The following NKAIN3 variants were observed in gnomAD, a reference collection of about 807,000 sequenced individuals.
The protein encoded by NKAIN3 is sodium/potassium transporting ATPase interacting 3.
Under a neutral mutation model 30.2 loss-of-function variants are expected in NKAIN3, and 25 were observed. The observed-to-expected ratio is 0.83, with a 90% CI of 0.60 to 1.16. NKAIN3 has a LOEUF of 1.16. Ranked by LOEUF, NKAIN3 falls within the 50% of genes most tolerant of loss-of-function variation. NKAIN3 has a pLI of 0.00. For synonymous variants in NKAIN3, 91 were observed against 89.6 expected, an observed-to-expected ratio of 1.02 and a Z score of -0.09; for missense variants, 225 against 254.1, an observed-to-expected ratio of 0.89 and a Z score of 0.78.
At chr8:62,695,936 G>A (rs1814140479) in intron 3 of NKAIN3, among the ~76,000 whole-genome samples, 1 of 152,038 alleles carries the variant, frequency 6.6e-6, no homozygotes, top group South Asian at 2.1e-4. Context: ...AAAATGAATG[G>A]TCCCAAATGA....
chr8:62,316,292 TA>T (rs1252898852), intron 1 of NKAIN3, among the ~76,000 whole-genome samples: 2 of 152,134 alleles, frequency 1.3e-5, no homozygotes, highest in Admixed American at 6.6e-5. Context: ...GATTTTTTTT[TA>T]TTATACTTTA....
In NKAIN3 at chr8:62,932,370, T is replaced by C. The variant is rs149150054; in HGVS notation, c.532+13857T>C. Among the ~76,000 whole-genome samples the C allele has an allele frequency of 5.1e-3, 781 of 152,334 alleles. 6 individuals carry two copies. The highest frequency in any genetic ancestry group is 0.018 in the African/African-American group (750 of 41,580). Reference sequence around the variant, plus strand: ...TAATTACAGAAGAGTGAAATGCAGATACTGGTTTGTGTAAAGTGAGTCAGA... The same window carrying C: ...TAATTACAGAAGAGTGAAATGCAGACACTGGTTTGTGTAAAGTGAGTCAGA... On this transcript the variant is annotated intron_variant, in intron 5 of 6. Coordinates refer to ENST00000623646, the MANE Select transcript of NKAIN3 (RefSeq NM_001304533.3).
chr8:62,916,904 C>T (rs569122334), intron 4 of NKAIN3, among the ~76,000 whole-genome samples: 1 of 152,200 alleles, frequency 6.6e-6, no homozygotes, highest in Non-Finnish European at 1.5e-5. Flanking sequence ...CATGCTTCTT[C>T]TTGTGGGGTG....
intron 1 of NKAIN3, among the ~76,000 whole-genome samples, chr8:62,465,109 G>C (rs1806120925): frequency 6.6e-6 from 1 of 152,232 alleles, no homozygotes. Context: ...AAATATTCAA[G>C]CTCAAACAGT....
chr8:62,686,965 G>A (rs1813818089), intron 3 of NKAIN3, among the ~76,000 whole-genome samples: 1 of 152,112 alleles, frequency 6.6e-6, no homozygotes, highest in South Asian at 2.1e-4. Context: ...GGTAACAAAT[G>A]CAATTTAATC....
intron 3 of NKAIN3, among the ~76,000 whole-genome samples, chr8:62,660,155 TGAGCACTG>T (rs1335090744): frequency 9.2e-5 from 14 of 152,158 alleles, no homozygotes. Context: ...CTTCCTGGAT[TGAGCACTG>T]GAGCAACAAT....
intron 1 of NKAIN3, among the ~76,000 whole-genome samples, chr8:62,449,522 T>TA (rs1432708494): frequency 6.6e-6 from 1 of 152,088 alleles, no homozygotes. Flanking sequence ...GTTTCTTCCT[T>TA]ATGTTTCATT....
chr8:62,534,864 T>TTTG (rs1808604648), intron 1 of NKAIN3, among the ~76,000 whole-genome samples: 1 of 151,500 alleles, frequency 6.6e-6, no homozygotes, highest in Non-Finnish European at 1.5e-5. Flanking sequence ...TTTATTGGTT[T>TTTG]TTTTTTTTTT....
chr8:62,841,829 T>A (rs1048368872), intron 4 of NKAIN3, among the ~76,000 whole-genome samples: 39 of 152,164 alleles, frequency 2.6e-4, no homozygotes, highest in African/African-American at 8.4e-4. Context: ...TACCCAGTAG[T>A]GGGATTGCTA....
chr8:62,665,437 C>T (rs930918827), intron 3 of NKAIN3, among the ~76,000 whole-genome samples: 18 of 152,048 alleles, frequency 1.2e-4, no homozygotes, highest in Non-Finnish European at 1.5e-5. Context: ...TGGGAGAGGT[C>T]CCACCAATGT....
chr8:62,562,344 A>G (rs1463092068), intron 1 of NKAIN3, among the ~76,000 whole-genome samples: 4 of 152,164 alleles, frequency 2.6e-5, no homozygotes, highest in Non-Finnish European at 5.9e-5. Context: ...ACACCCACAT[A>G]AAGTTGACGA....
At chr8:62,821,424 T>C (rs909589406) in intron 4 of NKAIN3, among the ~76,000 whole-genome samples, 22 of 152,274 alleles carry the variant, frequency 1.4e-4, no homozygotes, top group African/African-American at 4.8e-4. Context: ...AATTTTTCTT[T>C]TAAGGTTATG....
intron 1 of NKAIN3, among the ~76,000 whole-genome samples, chr8:62,472,954 G>C (rs2129600122): frequency 6.6e-6 from 1 of 152,282 alleles, no homozygotes; most frequent in East Asian, 1.9e-4. Context: ...TTCTGTCTCT[G>C]CTGTCTGCTC....
At chr8:62,687,242 A>G (rs962203250) in intron 3 of NKAIN3, among the ~76,000 whole-genome samples, 2 of 152,258 alleles carry the variant, frequency 1.3e-5, no homozygotes, top group Admixed American at 1.3e-4. Context: ...AGCAAAAAAC[A>G]GAAGGAAAAC....
At chr8:62,314,831 C>G (rs1814559342) in intron 1 of NKAIN3, among the ~76,000 whole-genome samples, 1 of 152,158 alleles carries the variant, frequency 6.6e-6, no homozygotes, top group Non-Finnish European at 1.5e-5. Flanking sequence ...GTATTTAATA[C>G]TAGCCAACTA....
At chr8:62,678,149 G>A (rs1813537291) in intron 3 of NKAIN3, among the ~76,000 whole-genome samples, 1 of 152,116 alleles carries the variant, frequency 6.6e-6, no homozygotes, top group South Asian at 2.1e-4. Flanking sequence ...TAAAGGTTAG[G>A]GACCCTAAAA....
chr8:62,730,049 T>G (rs1815419075), intron 3 of NKAIN3, among the ~76,000 whole-genome samples: 2 of 152,254 alleles, frequency 1.3e-5, no homozygotes, highest in South Asian at 4.1e-4. Context: ...ATACCAAGTT[T>G]GATCACTTAC....
intron 1 of NKAIN3, among the ~76,000 whole-genome samples, chr8:62,409,048 A>AT (rs1214732606): frequency 2.0e-5 from 3 of 152,186 alleles, no homozygotes; most frequent in Non-Finnish European, 4.4e-5. Flanking sequence ...TTTGCAATAT[A>AT]TTTGATCACT....
intron 1 of NKAIN3, among the ~76,000 whole-genome samples, chr8:62,332,747 G>A (rs1226037125): frequency 6.6e-6 from 1 of 152,064 alleles, no homozygotes; most frequent in Non-Finnish European, 1.5e-5. Flanking sequence ...TTTCGACCAG[G>A]CACTGTGGCT....
Sources: allele counts gnomAD v4.1 joint callset (sites outside exome capture counted in the v4.1 genomes callset), GRCh38; gene constraint gnomAD v4.1.1; transcripts MANE v1.5; gene names NCBI Gene and HGNC (gene_info 2026-07-23, HGNC 2026-07-21).